RDH13: variants seen among roughly 807,000 people sequenced by gnomAD.
RDH13 encodes the protein retinol dehydrogenase 13, also known as retinol dehydrogenase 13 (all-trans and 9-cis).
Under a neutral mutation model 28.3 loss-of-function variants are expected in RDH13, and 35 were observed. The ratio of observed to expected loss-of-function variants is 1.24; its 90% confidence interval spans 0.95 to 1.64. RDH13 has a LOEUF of 1.64. Among genes scored for constraint, RDH13 ranks in the 40% most tolerant of loss-of-function variants. The pLI is 0.00. For missense variants in RDH13, 514 were observed against 446.3 expected (o/e 1.15, Z -1.37); for synonymous variants, 229 against 198.5 (o/e 1.15, Z -1.29).
chr19:55,061,691 C>G (rs530724700), intron 1 of RDH13, among the ~76,000 whole-genome samples: 26 of 151,730 alleles, frequency 1.7e-4, no homozygotes, highest in African/African-American at 6.3e-4. Context: ...ACTCGGGAGG[C>G]TGAAGTGGGA....
chr19:55,040,002 G>A (rs1048571516), downstream of RDH13, among the ~76,000 whole-genome samples: 1 of 152,174 alleles, frequency 6.6e-6, no homozygotes, highest in Admixed American at 6.6e-5. Context: ...TAGAGACAGG[G>A]ATTAGAATGG....
intron 3 of RDH13, among the ~76,000 whole-genome samples, chr19:55,053,247 G>A (rs2124089): frequency 1.3e-5 from 2 of 152,040 alleles, no homozygotes; most frequent in African/African-American, 2.4e-5. Flanking sequence ...TAAAATGGAC[G>A]ATCTTCACTA....
chr19:55,057,682 C>A (rs1210014895), intron 2 of RDH13, among the ~76,000 whole-genome samples: 1 of 152,052 alleles, frequency 6.6e-6, no homozygotes, highest in East Asian at 1.9e-4. Flanking sequence ...AGGTGATCCA[C>A]CCCGCGGCCT....
Position 55,056,780 on chromosome 19 carries a change from G to C in RDH13, c.213C>G (p.Asp71Glu). Reference protein sequence around the residue: ...RGGNIILACRDMEKCEAAAKD... With the variant: ...RGGNIILACREMEKCEAAAKD... ...TTGCTGCCGCCTCACACTTCTCCAT[G>C]TCTCGGCAGGCCAGGATGATGTTGC... Residue 71 changes from aspartate to glutamate, a missense_variant, in exon 3 of 7, where the codon GAC (aspartate) becomes GAG (glutamate). By Grantham distance (45) the Asp-to-Glu change is conservative. Transcript: ENST00000415061. The C allele has an allele frequency of 6.2e-7, 1 of 1,614,074 alleles. No homozygotes were observed. The highest frequency in any genetic ancestry group is 8.5e-7 in the Non-Finnish European group (1 of 1,180,012).
upstream of RDH13, among the ~76,000 whole-genome samples, chr19:55,064,757 C>CGCCT (rs2075920350): frequency 7.9e-6 from 1 of 126,102 alleles, no homozygotes; most frequent in Non-Finnish European, 1.7e-5. Flanking sequence ...GGGCTACAGG[C>CGCCT]ACGTGTCACC....
At chr19:55,056,601 C>T in intron 3 of RDH13, 52 bp downstream of exon 3, 2 of 1,592,520 alleles carry the variant, frequency 1.3e-6, no homozygotes, top group Non-Finnish European at 8.6e-7. Context: ...AGAGCCTGGC[C>T]CTGGGAGCCG....
At chr19:55,048,198 G>A (rs1484436367) in intron 5 of RDH13, 131 bp downstream of exon 5, 2 of 1,541,224 alleles carry the variant, frequency 1.3e-6, no homozygotes, top group South Asian at 1.2e-5. Flanking sequence ...GGGCAGCGTG[G>A]TCCACATGCT....
rs114492553 is a variant in RDH13 at position 55,055,472 on chromosome 19, T to C, written c.340+1181A>G. Among the ~76,000 whole-genome samples the C allele has an allele frequency of 4.0e-3, 603 of 152,026 alleles. 7 individuals carry two copies. Among genetic ancestry groups the C allele is most frequent in the African/African-American group, 0.014 (565 of 41,492 alleles). On this transcript the variant is annotated intron_variant, in intron 3 of 6. Coordinates refer to ENST00000415061, the MANE Select transcript of RDH13 (RefSeq NM_001145971.2). ...CCCAGCCAGTTCTGTCTTCTTTACA[T>C]TGCAGTATTTTATAAATGTCCCATA...
intron 1 of RDH13, among the ~76,000 whole-genome samples, 187 bp from the exon 2 acceptor site, chr19:55,059,462 G>A (rs1422847911): frequency 1.3e-5 from 2 of 152,196 alleles, no homozygotes; most frequent in Non-Finnish European, 2.9e-5. Context: ...AGTGTCTGGC[G>A]TGTGGAACGC....
upstream of RDH13, chr19:55,067,321 T>A: frequency 6.6e-6 from 1 of 151,880 alleles, no homozygotes; most frequent in East Asian, 1.9e-4. Context: ...GGGCAGAAGG[T>A]CCCCGTGTCG....
intron 2 of RDH13, among the ~76,000 whole-genome samples, chr19:55,058,669 CCTT>C (rs2075712806): frequency 6.6e-6 from 1 of 151,816 alleles, no homozygotes; most frequent in Non-Finnish European, 1.5e-5. Flanking sequence ...GTTTCAATGC[CCTT>C]TTTTTTGTTT....
rs953553873 is a variant in RDH13 at position 55,063,104 on chromosome 19, C to G, written c.-72G>C. The G allele has an allele frequency of 3.0e-5, 37 of 1,230,800 alleles. No homozygotes were observed. The highest frequency in any genetic ancestry group is 3.7e-5 in the Non-Finnish European group (36 of 965,372). The allele number at this position is 1,230,800 out of a possible 1,614,324, so 76.2% of individuals were successfully genotyped here. On this transcript the variant is annotated 5_prime_UTR_variant, in exon 1 of 7. Coordinates refer to ENST00000415061, the MANE Select transcript of RDH13 (RefSeq NM_001145971.2). ...TGCTGCACACCAGCCGCCTGGGTAG[C>G]TCCGAGGAAGAGCGCGCGACGCAGC...
upstream of RDH13, among the ~76,000 whole-genome samples, chr19:55,064,698 T>C (rs529562679): frequency 3.2e-3 from 477 of 150,956 alleles, 4 homozygotes; most frequent in South Asian, 6.3e-3. Flanking sequence ...CTGCAACCTC[T>C]GCCTCCTAGG....
intron 3 of RDH13, among the ~76,000 whole-genome samples, chr19:55,055,230 G>A (rs1291763438): frequency 6.6e-6 from 1 of 152,036 alleles, no homozygotes; most frequent in East Asian, 2.0e-4. Flanking sequence ...TCAGCTCACT[G>A]CAACCTCCGC....
At chr19:55,069,120 C>A (rs918957693) in intron 1 of RDH13, among the ~76,000 whole-genome samples, 1 of 138,520 alleles carries the variant, frequency 7.2e-6, no homozygotes, top group African/African-American at 2.7e-5. Context: ...AGGAGCCAGG[C>A]TCCTCCGGTT....
chr19:55,052,693 A>G (rs1368806396), intron 3 of RDH13, among the ~76,000 whole-genome samples: 3 of 145,790 alleles, frequency 2.1e-5, no homozygotes, highest in Non-Finnish European at 3.0e-5. Flanking sequence ...ATGGAGTCTC[A>G]CTCTGTCACC....
rs2075857257 is a variant in RDH13 at position 55,063,043 on chromosome 19, G to GGACAGGC, written c.-18_-12dup. ...CAGGTAGCGGCTCATGCCGGGCCGG[G>GGACAGGC]GACAGGCGTCAGGCGTCAGGGGTCG... On this transcript the variant is annotated 5_prime_UTR_variant, in exon 1 of 7. Transcript: ENST00000415061. 1 of 1,197,330 alleles carries GGACAGGC rather than the reference G, an allele frequency of 8.4e-7. No homozygotes were observed. The highest frequency in any genetic ancestry group is 5.1e-5 in the Admixed American group (1 of 19,614). 74.2% of individuals were successfully genotyped at this position (1,197,330 alleles called of 1,614,324 possible).
chr19:55,045,192 T>G lies in RDH13; in HGVS notation c.878A>C (p.Gln293Pro), dbSNP rs1483939010. The G allele has an allele frequency of 6.2e-7, 1 of 1,613,660 alleles. No homozygotes were observed. Among genetic ancestry groups the G allele is most frequent in the South Asian group, 1.1e-5 (1 of 91,084 alleles). Residue 293 changes from glutamine (Q) to proline (P), a missense_variant, in exon 7 of 7, where the codon CAG becomes CCG. Transcript: ENST00000415061. The stretch of plus-strand genomic sequence containing the variant: ...CTCAGCCTCGGGGGCCGGGGCCTTC[T>G]GTTTGAGTCCATCGAAGTACTTTCC... ...VSGKYFDGLKQKAPAPEAEDE... is the reference protein window; with the variant it reads ...VSGKYFDGLKPKAPAPEAEDE...
chr19:55,057,537 A>T (rs895034103), intron 2 of RDH13, among the ~76,000 whole-genome samples: 50 of 151,418 alleles, frequency 3.3e-4, no homozygotes, highest in African/African-American at 1.2e-3. Context: ...GGTTCAAGCA[A>T]TTCTCCTGCC....
Sources: gnomAD v4.1 joint callset for allele counts (sites outside exome capture counted in the v4.1 genomes callset) on GRCh38, gnomAD v4.1.1 for gene constraint, MANE v1.5 for transcripts, NCBI Gene and HGNC (gene_info 2026-07-23, HGNC 2026-07-21) for gene names.